Variants in WWOX observed in about 807,000 individuals in gnomAD.
The protein encoded by WWOX is WW domain containing oxidoreductase.
A neutral mutation model predicts 46.2 loss-of-function variants in WWOX; 69 were observed. That is an observed-to-expected ratio of 1.49 (90% confidence interval 1.23 to 1.82). The LOEUF is 1.82. Among genes scored for constraint, WWOX ranks in the 40% most tolerant of loss-of-function variants. WWOX has a pLI of 0.00. For missense variants in WWOX, 919 were observed against 542.6 expected, an observed-to-expected ratio of 1.69 and a Z score of -6.89; for synonymous variants, 359 against 202.6, an observed-to-expected ratio of 1.77 and a Z score of -6.56.
At chr16:78,740,154 C>A (rs2049182376) in intron 8 of WWOX, among the ~76,000 whole-genome samples, 1 of 152,146 alleles carries the variant, frequency 6.6e-6, no homozygotes, top group African/African-American at 2.4e-5. Context: ...ATTGCATCTC[C>A]TGAAAACTCC....
Position 78,791,018 on chromosome 16 carries a change from CAAAAAAAAAA to C in WWOX, c.1056+358280_1056+358289del, listed in dbSNP as rs775592585. Among the ~76,000 whole-genome samples, 584 of 62,446 alleles carry C rather than the reference CAAAAAAAAAA, an allele frequency of 9.4e-3. 6 individuals carry two copies. Among genetic ancestry groups the C allele is most frequent in the African/African-American group, 0.037 (555 of 15,026 alleles). 41.0% of individuals were successfully genotyped at this position (62,446 alleles called of 152,430 possible). ...TGGGTGACAGATCCAGACCCTGTCT[CAAAAAAAAAA>C]AAAAAAAAAAAAAGTGAAAAAAAGG... On this transcript the variant is annotated intron_variant, in intron 8 of 8. Coordinates refer to ENST00000566780, the MANE Select transcript of WWOX (RefSeq NM_016373.4).
chr16:78,969,840 G>A (rs1352159487), intron 8 of WWOX, among the ~76,000 whole-genome samples: 2 of 152,148 alleles, frequency 1.3e-5, no homozygotes, highest in East Asian at 1.9e-4. Flanking sequence ...CAGGGGCTGG[G>A]GATGGGGCGT....
intron 8 of WWOX, among the ~76,000 whole-genome samples, chr16:78,462,174 G>T (rs983529361): frequency 2.0e-5 from 3 of 152,114 alleles, no homozygotes; most frequent in Admixed American, 2.0e-4. Context: ...GGTAATTTAA[G>T]CAACTTGCAG....
intron 8 of WWOX, among the ~76,000 whole-genome samples, chr16:79,146,886 G>A (rs546617138): frequency 6.6e-6 from 1 of 152,280 alleles, no homozygotes; most frequent in South Asian, 2.1e-4. Flanking sequence ...ACTTCTACAT[G>A]TGTCCCTTCA....
At chr16:78,111,666 G>T (rs1021771844) in intron 3 of WWOX, among the ~76,000 whole-genome samples, 5 of 152,172 alleles carry the variant, frequency 3.3e-5, no homozygotes, top group Admixed American at 1.3e-4. Flanking sequence ...TCATCCGGAG[G>T]CCTAAACCCC....
chr16:78,765,108 C>T (rs979137391), intron 8 of WWOX, among the ~76,000 whole-genome samples: 5 of 152,198 alleles, frequency 3.3e-5, no homozygotes, highest in Middle Eastern at 3.4e-3. Flanking sequence ...GGCGGCTGTG[C>T]GGGGATGTGG....
At chr16:79,169,346 G>A (rs542445856) in intron 8 of WWOX, among the ~76,000 whole-genome samples, 77 of 152,304 alleles carry the variant, frequency 5.1e-4, no homozygotes, top group South Asian at 1.2e-3. Context: ...GGCCATGACT[G>A]CATAAACCAC....
chr16:79,154,861 T>G (rs1051994497), intron 8 of WWOX, among the ~76,000 whole-genome samples: 10 of 152,322 alleles, frequency 6.6e-5, no homozygotes, highest in African/African-American at 1.7e-4. Context: ...GATCCAAGGT[T>G]TAGGCTCTCA....
chr16:78,739,286 C>G (rs1267797357), intron 8 of WWOX, among the ~76,000 whole-genome samples: 1 of 152,166 alleles, frequency 6.6e-6, no homozygotes, highest in African/African-American at 2.4e-5. Context: ...TCAGCTTGGT[C>G]AAAGCAAGAT....
At chr16:79,124,212 A>G (rs1008964032) in intron 8 of WWOX, among the ~76,000 whole-genome samples, 2 of 152,152 alleles carry the variant, frequency 1.3e-5, no homozygotes, top group African/African-American at 4.8e-5. Context: ...CTCCACAATC[A>G]GTAATTAGAG....
intron 8 of WWOX, among the ~76,000 whole-genome samples, chr16:79,049,567 G>T (rs555786305): frequency 1.3e-5 from 2 of 152,298 alleles, no homozygotes; most frequent in East Asian, 1.9e-4. Flanking sequence ...GCAGGGCGCA[G>T]TAGCTGACCC....
chr16:78,593,107 C>A (rs2045389669), intron 8 of WWOX, among the ~76,000 whole-genome samples: 1 of 152,156 alleles, frequency 6.6e-6, no homozygotes, highest in South Asian at 2.1e-4. Context: ...ATATTTGGGA[C>A]CCACTGGGAG....
intron 5 of WWOX, among the ~76,000 whole-genome samples, chr16:78,194,901 T>C (rs2036000192): frequency 6.6e-6 from 1 of 152,238 alleles, no homozygotes. Context: ...GTTTCTAGAC[T>C]GTCTCCCTCC....
At chr16:78,117,621 G>A (rs1052207459) in intron 4 of WWOX, among the ~76,000 whole-genome samples, 1 of 152,140 alleles carries the variant, frequency 6.6e-6, no homozygotes, top group African/African-American at 2.4e-5. Context: ...GCCCAAGTAG[G>A]CTGTGGCTTC....
intron 8 of WWOX, among the ~76,000 whole-genome samples, chr16:78,900,682 G>C (rs2044809117): frequency 6.6e-6 from 1 of 152,082 alleles, no homozygotes; most frequent in African/African-American, 2.4e-5. Flanking sequence ...CAGATCATAT[G>C]TTTGGCAAAT....
intron 8 of WWOX, among the ~76,000 whole-genome samples, chr16:78,641,648 G>A (rs1027062115): frequency 2.0e-5 from 3 of 152,128 alleles, no homozygotes; most frequent in African/African-American, 7.2e-5. Context: ...GTTAACCCAA[G>A]CAAGAGGTAG....
intron 6 of WWOX, among the ~76,000 whole-genome samples, chr16:78,393,230 T>C (rs897319644): frequency 3.9e-5 from 6 of 152,194 alleles, no homozygotes; most frequent in Non-Finnish European, 7.3e-5. Context: ...AACAGTATGT[T>C]TTTATGAGGC....
At chr16:79,014,918 C>T (rs2047382507) in intron 8 of WWOX, among the ~76,000 whole-genome samples, 1 of 152,170 alleles carries the variant, frequency 6.6e-6, no homozygotes, top group Non-Finnish European at 1.5e-5. Flanking sequence ...CCTGTGGTGG[C>T]ACCCAGGAAG....
chr16:79,201,610 G>A lies in WWOX; in HGVS notation c.1057-9998G>A, dbSNP rs144746485. On this transcript the variant is annotated intron_variant, in intron 8 of 8. Coordinates refer to ENST00000566780, the MANE Select transcript of WWOX (RefSeq NM_016373.4). ...ATATTTGGGAAAAACATCTTCAAACGCAAACGCTGTTTTCCAACCATTAAA... is the reference window on the plus strand; with the variant it reads ...ATATTTGGGAAAAACATCTTCAAACACAAACGCTGTTTTCCAACCATTAAA... Among the ~76,000 whole-genome samples the A allele has an allele frequency of 1.6e-4, 24 of 152,182 alleles. No homozygotes were observed. The East Asian group carries it at 3.9e-3, about 25-fold the overall frequency.
Sources: allele counts gnomAD v4.1 joint callset (sites outside exome capture counted in the v4.1 genomes callset), GRCh38; gene constraint gnomAD v4.1.1; transcripts MANE v1.5; gene names NCBI Gene and HGNC (gene_info 2026-07-23, HGNC 2026-07-21).